The following C4orf54 variants were observed in gnomAD, a reference collection of about 807,000 sequenced individuals.
C4orf54 encodes the protein uncharacterized protein C4orf54.
A neutral mutation model predicts 80.1 loss-of-function variants in C4orf54; 67 were observed. That is an observed-to-expected ratio of 0.84 (90% confidence interval 0.69 to 1.03). The LOEUF is 1.03. Among genes scored for constraint, C4orf54 ranks in the 50% least tolerant of loss-of-function variants. The pLI is 0.00. For synonymous variants in C4orf54, 1,000 were observed against 917.0 expected, an observed-to-expected ratio of 1.09 and a Z score of -1.64; for missense variants, 2,434 against 2,253.5, an observed-to-expected ratio of 1.08 and a Z score of -1.62.
chr4:99,651,704 C>A lies in C4orf54; in HGVS notation c.2945G>T (p.Ser982Ile). The A allele has an allele frequency of 6.5e-7, 1 of 1,536,052 alleles. No homozygotes were observed. The highest frequency in any genetic ancestry group is 8.7e-7 in the Non-Finnish European group (1 of 1,146,900). The change falls in exon 2 of 3, where the codon AGC (serine) becomes ATC (isoleucine). Residue 982 changes from serine (S) to isoleucine (I), a missense_variant. Transcript: ENST00000511828. ...GAGGCGAGACATGATGGTGTTCTTG[C>A]TGGCAGAAATCTCCCCGAGATCAGC... Reference protein sequence around the residue: ...WRADLGEISASKNTIMSRLFV... With the variant: ...WRADLGEISAIKNTIMSRLFV...
chr4:99,650,180 GC>G lies in C4orf54; in HGVS notation c.4468del (p.Ala1490LeufsTer20). 6.5e-7 allele frequency: 1 copy of G among 1,535,936 alleles called. No individual in the cohort carries two copies. Among genetic ancestry groups the G allele is most frequent in the African/African-American group, 1.4e-5 (1 of 73,120 alleles). On this transcript the variant is annotated frameshift_variant, in exon 2 of 3. Coordinates refer to ENST00000511828, the MANE Select transcript of C4orf54 (RefSeq NM_001354435.2). LOFTEE classifies it high-confidence loss of function. ...GGAGTTGGGGGGCCCCTCCCTGGAA[GC>G]CCCAGGCCTGCTAAGAAGCTCCCCT... The part of the protein sequence containing the change: ...AAGELLSRPG[A>X]SREGPPNSSA...
chr4:99,652,069 C>T lies in C4orf54; in HGVS notation c.2580G>A (p.Arg860=). The T allele has an allele frequency of 3.3e-6, 5 of 1,536,118 alleles. No individual in the cohort carries two copies. The change falls in exon 2 of 3, where the codon AGG becomes AGA. Residue 860 remains arginine, a synonymous_variant. Transcript: ENST00000511828. The part of the protein sequence containing the change: ...GARGSERQRE[R]GLQRQSSRHS... ...GACGAGAGCTCTGCCTCTGCAGGCC[C>T]CTCTCTCGCTGCCTCTCGCTCCCGC...
chr4:99,653,455 G>C lies in C4orf54; in HGVS notation c.1194C>G (p.Asn398Lys), dbSNP rs578057741. The change falls in exon 2 of 3, where the codon AAC becomes AAG. Residue 398 changes from asparagine to lysine, a missense_variant. Asn to Lys is a moderately conservative substitution (Grantham distance 94). Coordinates refer to ENST00000511828, the MANE Select transcript of C4orf54 (RefSeq NM_001354435.2). ...CATAATCCACGAACGAGTAGATCAC[G>C]TTGTTGTCCTCGAAATCCCAGCGGG... Reference protein sequence around the residue: ...LASRWDFEDNNVIYSFVDYAS... With the variant: ...LASRWDFEDNKVIYSFVDYAS... 6.5e-7 allele frequency: 1 copy of C among 1,536,032 alleles called. No individual in the cohort carries two copies.
In C4orf54 at chr4:99,638,743, C is replaced by T. The variant is rs1283116458; in HGVS notation, c.*2490G>A. On this transcript the variant is annotated 3_prime_UTR_variant, in exon 3 of 3. Transcript: ENST00000511828. ...TAAAAATCAAGATTGAGATTTACCT[C>T]ATGCCCGTGAAAATATTTTTTCCCT... The T allele has an allele frequency of 6.6e-6, 1 of 152,126 alleles. No homozygotes were observed. Among genetic ancestry groups the T allele is most frequent in the Non-Finnish European group, 1.5e-5 (1 of 68,002 alleles). 9.4% of individuals were successfully genotyped at this position (152,126 alleles called of 1,614,324 possible).
intron 2 of C4orf54, among the ~76,000 whole-genome samples, chr4:99,648,217 C>T (rs1352494696): frequency 1.3e-5 from 2 of 152,136 alleles, no homozygotes; most frequent in Non-Finnish European, 1.5e-5. Flanking sequence ...TGTCTTTGCC[C>T]TGTCATGTGT....
Position 99,654,498 on chromosome 4 carries a change from A to G in C4orf54, c.151T>C (p.Ser51Pro). Residue 51 changes from serine (S) to proline (P), a missense_variant, in exon 2 of 3, where the codon TCG becomes CCG. Ser to Pro is a moderately conservative substitution (Grantham distance 74). Coordinates refer to ENST00000511828, the MANE Select transcript of C4orf54 (RefSeq NM_001354435.2). Reference protein sequence around the residue: ...QLSYRTLATVSAGAAAPQPQT... With the variant: ...QLSYRTLATVPAGAAAPQPQT... ...GGCTGGGGGGCTGCTGCTCCGGCCG[A>G]GACTGTGGCCAGTGTTCTGTAGCTG... 1.4e-6 allele frequency: 1 copy of G among 704,016 alleles called. No homozygotes were observed. The allele number at this position is 704,016 out of a possible 1,614,324, so 43.6% of individuals were successfully genotyped here. A position where few individuals can be genotyped will look rare whatever the true frequency, so the allele number is the denominator to read the frequency against.
chr4:99,649,724 T>G lies in C4orf54; in HGVS notation c.4925A>C (p.Gln1642Pro), dbSNP rs1439443530. Residue 1642 changes from glutamine to proline, a missense_variant, in exon 2 of 3, where the codon CAG becomes CCG. Transcript: ENST00000511828. ...TRRLFDPETG[Q>P]YVDVPMTSQQ... is the part of the protein sequence containing the mutation. ...GGAGGTCATGGGCACATCCACATAC[T>G]GCCCTGTCTCAGGGTCAAACAGTCT... The G allele has an allele frequency of 2.0e-6, 3 of 1,536,176 alleles. No homozygotes were observed. The South Asian group carries it at 3.6e-5, about 18-fold the overall frequency.
At chr4:99,643,787 CACACA>C (rs1726648897) in intron 2 of C4orf54, among the ~76,000 whole-genome samples, 34 of 128,698 alleles carry the variant, frequency 2.6e-4, no homozygotes, top group African/African-American at 6.7e-4. Context: ...CACACACACA[CACACA>C]CCCCCTCCGC....
In C4orf54 at chr4:99,652,593, C is replaced by T. The variant is rs1726866180; in HGVS notation, c.2056G>A (p.Ala686Thr). The T allele has an allele frequency of 1.3e-6, 2 of 1,535,954 alleles. No homozygotes were observed. The highest frequency in any genetic ancestry group is 1.7e-6 in the Non-Finnish European group (2 of 1,146,910). The change falls in exon 2 of 3, where the codon GCC becomes ACC. Residue 686 changes from alanine (A) to threonine (T), a missense_variant. Physicochemically the swap from Ala to Thr is moderately conservative, Grantham distance 58. Coordinates refer to ENST00000511828, the MANE Select transcript of C4orf54 (RefSeq NM_001354435.2). Reference protein sequence around the residue: ...VEQSLLRSSAASVAAGLRKGS... With the variant: ...VEQSLLRSSATSVAAGLRKGS... ...TTCCTCAGACCTGCAGCCACAGAGG[C>T]CGCGCTGCTCCTGAGGAGGCTCTGC...
chr4:99,650,067 T>G lies in C4orf54; in HGVS notation c.4582A>C (p.Ser1528Arg), dbSNP rs1238614492. The part of the protein sequence containing the change: ...SSKGSQVSGT[S>R]RPAWRTKPDN... ...GGTTTGGTACGCCAAGCTGGTCGGC[T>G]GGTTCCACTAACCTGAGAGCCTTTG... is the stretch of plus-strand genomic sequence containing the variant. The change falls in exon 2 of 3, where the codon AGC (serine) becomes CGC (arginine). Residue 1528 changes from serine (S) to arginine (R), a missense_variant. Ser to Arg is a moderately radical substitution (Grantham distance 110, BLOSUM62 -1). Transcript: ENST00000511828. 5 of 1,535,780 alleles carry G rather than the reference T, an allele frequency of 3.3e-6. No homozygotes were observed. In the Admixed American group the frequency reaches 9.8e-5, roughly 30 times the overall value.
At chr4:99,645,498 A>G (rs1726687240) in intron 2 of C4orf54, among the ~76,000 whole-genome samples, 1 of 151,870 alleles carries the variant, frequency 6.6e-6, no homozygotes, top group African/African-American at 2.4e-5. Context: ...TGTGCCAATG[A>G]AAGTTTTCTT....
rs1318390159 is a variant in C4orf54, at chr4:99,650,371, T to C, written c.4278A>G (p.Ala1426=). 2.0e-6 allele frequency: 3 copies of C among 1,536,088 alleles called. No homozygotes were observed. The highest frequency in any genetic ancestry group is 4.9e-5 in the East Asian group (2 of 40,912). Residue 1426 remains alanine, a synonymous_variant, in exon 2 of 3, where the codon GCA becomes GCG. Transcript: ENST00000511828. ...GTCCCTGCGACTTGATGCCCTTAGC[T>C]GCTGAAGGACTCTCCGGAGAAGGCC... ...PQGPSPESPS[A]AKGIKSQGLR...
In C4orf54 at chr4:99,649,456, A is replaced by G; in HGVS notation, c.5193T>C (p.Ser1731=). The G allele has an allele frequency of 1.3e-6, 2 of 1,536,166 alleles. No individual in the cohort carries two copies. Among genetic ancestry groups the G allele is most frequent in the Non-Finnish European group, 1.7e-6 (2 of 1,146,912 alleles). The change falls in exon 2 of 3, where the codon TCT becomes TCC. Residue 1731 remains serine, a synonymous_variant. Coordinates refer to ENST00000511828, the MANE Select transcript of C4orf54 (RefSeq NM_001354435.2). ...TFTEAPYFMA[S]GQSPASSTSS... is the part of the protein sequence containing the mutation. ...AGGTTGAGGAGGCCGGAGACTGACC[A>G]GAAGCCATGAAGTATGGGGCCTCGG...
In C4orf54 at chr4:99,651,096, A is replaced by G. The variant is rs1369713576; in HGVS notation, c.3553T>C (p.Ser1185Pro). ...AAGACTGTCCCTTCTGGGGAGGAAG[A>G]ATTCAAGACTCTGCTGCCGCCCCCT... The part of the protein sequence containing the change: ...GKGGGSRVLN[S>P]SSPEGTVLVH... The change falls in exon 2 of 3, where the codon TCT becomes CCT. Residue 1185 changes from serine (S) to proline (P), a missense_variant. Ser to Pro is a moderately conservative substitution (Grantham distance 74). Coordinates refer to ENST00000511828, the MANE Select transcript of C4orf54 (RefSeq NM_001354435.2). 2.0e-6 allele frequency: 3 copies of G among 1,535,974 alleles called. No homozygotes were observed. The Admixed American group carries it at 5.9e-5, about 30-fold the overall frequency.
chr4:99,651,478 G>A lies in C4orf54; in HGVS notation c.3171C>T (p.Ser1057=), dbSNP rs1229168974. The change falls in exon 2 of 3, where the codon AGC becomes AGT. Residue 1057 remains serine (S), a synonymous_variant. Transcript: ENST00000511828. ...CGATGGTCTTGAACAGGTTAGAGGC[G>A]CTGCCACCGGCCAGCTTGGGCGTGA... ...KLLTPKLAGG[S]ASNLFKTIED... 4.6e-6 allele frequency: 7 copies of A among 1,536,236 alleles called. No homozygotes were observed. The highest frequency in any genetic ancestry group is 5.2e-6 in the Non-Finnish European group (6 of 1,146,910).
At chr4:99,647,409 C>G (rs1417338642) in intron 2 of C4orf54, among the ~76,000 whole-genome samples, 1 of 152,188 alleles carries the variant, frequency 6.6e-6, no homozygotes, top group African/African-American at 2.4e-5. Context: ...ATAGGCTACT[C>G]TTTTCCTTCT....
Position 99,649,517 on chromosome 4 carries a change from G to A in C4orf54, c.5132C>T (p.Ala1711Val), listed in dbSNP as rs1726760633. 3.3e-6 allele frequency: 5 copies of A among 1,536,050 alleles called. No homozygotes were observed. The South Asian group carries it at 4.8e-5, about 15-fold the overall frequency. Residue 1711 changes from alanine to valine, a missense_variant, in exon 2 of 3, where the codon GCA (alanine) becomes GTA (valine). Coordinates refer to ENST00000511828, the MANE Select transcript of C4orf54 (RefSeq NM_001354435.2). ...PRGSELSPMV[A>V]EPSSKEAAAT... ...AGCTGCCTCTTTGCTGGAAGGTTCT[G>A]CCACCATTGGGGAGAGCTCACTTCC...
At chr4:99,656,954 A>G (rs1198382922) in intron 1 of C4orf54, among the ~76,000 whole-genome samples, 1 of 152,260 alleles carries the variant, frequency 6.6e-6, no homozygotes, top group East Asian at 1.9e-4. Context: ...GTGACCACAC[A>G]TATACCATAT....
Position 99,650,369 on chromosome 4 carries a change from G to A in C4orf54, c.4280C>T (p.Ala1427Val). The change falls in exon 2 of 3, where the codon GCT becomes GTT. Residue 1427 changes from alanine to valine, a missense_variant. By Grantham distance (64) the Ala-to-Val change is moderately conservative (BLOSUM62 0). Transcript: ENST00000511828. Reference sequence around the variant, plus strand: ...GAGTCCCTGCGACTTGATGCCCTTAGCTGCTGAAGGACTCTCCGGAGAAGG... The same window carrying A: ...GAGTCCCTGCGACTTGATGCCCTTAACTGCTGAAGGACTCTCCGGAGAAGG... ...QGPSPESPSA[A>V]KGIKSQGLRS... is the part of the protein sequence containing the mutation. The A allele has an allele frequency of 6.5e-7, 1 of 1,536,092 alleles. No individual in the cohort carries two copies.
Sources: allele counts gnomAD v4.1 joint callset (sites outside exome capture counted in the v4.1 genomes callset), GRCh38; gene constraint gnomAD v4.1.1; transcripts MANE v1.5; gene names NCBI Gene and HGNC (gene_info 2026-07-23, HGNC 2026-07-21).